PCDH15: variants seen among roughly 807,000 people sequenced by gnomAD.
The protein encoded by PCDH15 is protocadherin-15.
Under a neutral mutation model 178.5 loss-of-function variants are expected in PCDH15, and 129 were observed. The ratio of observed to expected loss-of-function variants is 0.72; its 90% CI spans 0.63 to 0.84. PCDH15 has a LOEUF of 0.84. Ranked by LOEUF, PCDH15 falls within the 40% of genes least tolerant of loss-of-function variation. PCDH15 has a pLI of 0.00. For synonymous variants in PCDH15, 800 were observed against 732.0 expected (o/e 1.09, Z -1.50); for missense variants, 2,230 against 2,099.9 (o/e 1.06, Z -1.21).
At chr10:54,006,747 A>G (rs2660178) in intron 20 of PCDH15, among the ~76,000 whole-genome samples, 114,127 of 152,054 alleles carry the variant, frequency 0.75, 43,462 homozygotes, top group African/African-American at 0.88. Context: ...TCTGGAGAAG[A>G]AAACTCCTCT....
intron 8 of PCDH15, among the ~76,000 whole-genome samples, chr10:54,300,988 C>T (rs1230853233): frequency 6.6e-6 from 1 of 152,140 alleles, no homozygotes; most frequent in South Asian, 2.1e-4. Flanking sequence ...TGGGTCTGTA[C>T]CACCTTTAAG....
chr10:54,323,412 G>A (rs1445135428), intron 7 of PCDH15, among the ~76,000 whole-genome samples: 1 of 152,030 alleles, frequency 6.6e-6, no homozygotes, highest in Non-Finnish European at 1.5e-5. Context: ...ACACATGCAT[G>A]TCTACATTAA....
intron 22 of PCDH15, among the ~76,000 whole-genome samples, chr10:53,961,080 T>C (rs1042858792): frequency 3.3e-5 from 5 of 152,170 alleles, no homozygotes; most frequent in Admixed American, 1.3e-4. Flanking sequence ...TGACAAAAAA[T>C]CAAATAGATA....
chr10:54,912,316 A>G (rs1954831799), intron 2 of PCDH15, among the ~76,000 whole-genome samples: 2 of 151,970 alleles, frequency 1.3e-5, no homozygotes, highest in African/African-American at 4.8e-5. Flanking sequence ...GTTAAATTGT[A>G]ATTTCCAGTG....
intron 3 of PCDH15, among the ~76,000 whole-genome samples, chr10:54,408,450 T>C (rs1033730710): frequency 6.6e-6 from 1 of 151,936 alleles, no homozygotes; most frequent in Non-Finnish European, 1.5e-5. Context: ...TTGCCTATAA[T>C]ATTTATCAGT....
At chr10:54,099,372 C>T (rs981717964) in intron 15 of PCDH15, among the ~76,000 whole-genome samples, 22 of 151,102 alleles carry the variant, frequency 1.5e-4, no homozygotes, top group Admixed American at 7.3e-4. Context: ...TGGTGGTGGG[C>T]GCCTGTAGTC....
chr10:54,154,199 T>C (rs1265181142), intron 13 of PCDH15, among the ~76,000 whole-genome samples: 2 of 152,128 alleles, frequency 1.3e-5, no homozygotes, highest in African/African-American at 4.8e-5. Flanking sequence ...GGAAAAAGAA[T>C]ATAAAGGGAT....
chr10:54,141,366 T>G lies in PCDH15; in HGVS notation c.1785-8359A>C, dbSNP rs183773429. Among the ~76,000 whole-genome samples, 355 of 152,266 alleles carry G rather than the reference T, an allele frequency of 2.3e-3. 1 individual carries two copies. The highest frequency in any genetic ancestry group is 8.2e-3 in the African/African-American group (339 of 41,574). ...AATTTTAAGGTTCTTGGCAAAAATC[T>G]TATAAAAGACTTATTTTTATGAGTT... On this transcript the variant is annotated intron_variant, in intron 14 of 37. Coordinates refer to ENST00000644397, the MANE Select transcript of PCDH15 (RefSeq NM_001384140.1).
intron 1 of PCDH15, among the ~76,000 whole-genome samples, chr10:54,720,097 G>T (rs1045482454): frequency 8.6e-5 from 13 of 152,026 alleles, no homozygotes; most frequent in Non-Finnish European, 1.8e-4. Flanking sequence ...CTCTTGGTGG[G>T]TATGTAAATT....
At chr10:53,985,609 T>TG in intron 21 of PCDH15, among the ~76,000 whole-genome samples, 1 of 152,044 alleles carries the variant, frequency 6.6e-6, no homozygotes, top group Non-Finnish European at 1.5e-5. Context: ...ACAGAATACT[T>TG]GGGTCCAGTC....
At chr10:55,063,399 T>C (rs914928430) in intron 2 of PCDH15, among the ~76,000 whole-genome samples, 1 of 152,248 alleles carries the variant, frequency 6.6e-6, no homozygotes, top group Non-Finnish European at 1.5e-5. Context: ...AAACAATATA[T>C]CTGTCACTTG....
chr10:54,940,341 TCA>T (rs1229557685), intron 2 of PCDH15, among the ~76,000 whole-genome samples: 1 of 152,188 alleles, frequency 6.6e-6, no homozygotes, highest in Non-Finnish European at 1.5e-5. Context: ...GTAAATTTTC[TCA>T]GTTTTGCTCT....
At chr10:54,405,201 G>A (rs1324956480) in intron 3 of PCDH15, among the ~76,000 whole-genome samples, 1 of 152,086 alleles carries the variant, frequency 6.6e-6, no homozygotes, top group African/African-American at 2.4e-5. Context: ...ATACATGCAT[G>A]TAAATGTTCA....
chr10:54,388,447 T>C (rs1260544986), intron 3 of PCDH15, among the ~76,000 whole-genome samples: 1 of 152,192 alleles, frequency 6.6e-6, no homozygotes, highest in Admixed American at 6.5e-5. Context: ...GGCTCTGTTA[T>C]GTCATGCCAT....
intron 2 of PCDH15, among the ~76,000 whole-genome samples, chr10:55,157,260 A>G (rs1290792714): frequency 6.6e-6 from 1 of 151,944 alleles, no homozygotes; most frequent in South Asian, 2.1e-4. Context: ...ATGAGATACC[A>G]TCTCACACCA....
intron 14 of PCDH15, among the ~76,000 whole-genome samples, chr10:54,143,348 C>T (rs7907790): frequency 0.64 from 96,950 of 151,996 alleles, 32,400 homozygotes; most frequent in East Asian, 0.9. Context: ...ATCTACTGTG[C>T]CTTTAACTAT....
Position 54,517,123 on chromosome 10 carries a change from C to T in PCDH15, c.157+10689G>A, listed in dbSNP as rs566287231. Among the ~76,000 whole-genome samples the T allele has an allele frequency of 4.6e-5, 7 of 152,226 alleles. 1 individual carries two copies. In the South Asian group the frequency reaches 8.3e-4, roughly 18 times the overall value. On this transcript the variant is annotated intron_variant, in intron 3 of 37. Coordinates refer to ENST00000644397, the MANE Select transcript of PCDH15 (RefSeq NM_001384140.1). ...GCAAAAACAGGCCAAATTGTAAAGA[C>T]GATCAAGGCTAGGAAGAAACTGCAT...
chr10:55,573,432 T>G (rs1453788218), intron 2 of PCDH15, among the ~76,000 whole-genome samples: 1 of 152,112 alleles, frequency 6.6e-6, no homozygotes, highest in Admixed American at 6.6e-5. Flanking sequence ...ACTTCTTCTC[T>G]CAACATTGTA....
intron 3 of PCDH15, among the ~76,000 whole-genome samples, chr10:54,503,925 A>G (rs2137520209): frequency 6.6e-6 from 1 of 152,110 alleles, no homozygotes; most frequent in Middle Eastern, 3.4e-3. Flanking sequence ...CTGATGCCTG[A>G]GGCCAATGCA....
Sources: allele counts gnomAD v4.1 joint callset (sites outside exome capture counted in the v4.1 genomes callset), GRCh38; gene constraint gnomAD v4.1.1; transcripts MANE v1.5; gene names NCBI Gene and HGNC (gene_info 2026-07-23, HGNC 2026-07-21).